The following MGAT3 variants were observed in gnomAD, a reference collection of about 807,000 sequenced individuals.
MGAT3 encodes beta-1,4-mannosyl-glycoprotein 4-beta-N-acetylglucosaminyltransferase, also known as GlcNAc-T III.
In MGAT3, 9 loss-of-function variants were observed where a neutral mutation model predicts 29.8. The observed-to-expected ratio is 0.30, with a 90% confidence interval of 0.18 to 0.53. The LOEUF is 0.53. MGAT3 is among the 20% of genes least tolerant of loss of function. The pLI is 0.96. For missense variants in MGAT3, 557 were observed against 769.5 expected, an observed-to-expected ratio of 0.72 and a Z score of 3.27; for synonymous variants, 397 against 348.9, an observed-to-expected ratio of 1.14 and a Z score of -1.54.
chr22:39,488,701 C>T lies in MGAT3; in HGVS notation c.1354C>T (p.Leu452=). The part of the protein sequence containing the change: ...RWGDYEDKRD[L]NYIRGLIRTG... Reference sequence around the variant, plus strand: ...GGGTGACTACGAGGACAAGCGGGACCTGAACTACATCCGCGGCCTGATCCG... The same window carrying T: ...GGGTGACTACGAGGACAAGCGGGACTTGAACTACATCCGCGGCCTGATCCG... The change falls in exon 2 of 2, where the codon CTG becomes TTG. Residue 452 remains leucine, a synonymous_variant. Coordinates refer to ENST00000341184, the MANE Select transcript of MGAT3 (RefSeq NM_002409.5). 6.2e-7 allele frequency: 1 copy of T among 1,613,888 alleles called. No homozygotes were observed. The highest frequency in any genetic ancestry group is 8.5e-7 in the Non-Finnish European group (1 of 1,180,020).
intron 1 of MGAT3, among the ~76,000 whole-genome samples, chr22:39,482,188 T>C (rs921792785): frequency 6.8e-6 from 1 of 146,112 alleles, no homozygotes; most frequent in Non-Finnish European, 1.5e-5. Context: ...GGTTTAGCCA[T>C]GTTGCCCAAG....
At chr22:39,470,240 G>A (rs936043363) in intron 1 of MGAT3, among the ~76,000 whole-genome samples, 2 of 152,208 alleles carry the variant, frequency 1.3e-5, no homozygotes, top group Non-Finnish European at 2.9e-5. Context: ...GAGGGCTTGC[G>A]GGCGGGGGCA....
intron 1 of MGAT3, among the ~76,000 whole-genome samples, chr22:39,471,310 C>T (rs1228434036): frequency 1.3e-5 from 2 of 152,060 alleles, no homozygotes; most frequent in East Asian, 1.9e-4. Flanking sequence ...ATGGGGGTCT[C>T]GAGGATTTAT....
intron 1 of MGAT3, among the ~76,000 whole-genome samples, chr22:39,479,948 G>A (rs1477747400): frequency 6.6e-6 from 1 of 152,204 alleles, no homozygotes; most frequent in Non-Finnish European, 1.5e-5. Flanking sequence ...ACTGGGGCTG[G>A]GGCCGTGCAT....
intron 1 of MGAT3, among the ~76,000 whole-genome samples, chr22:39,459,265 G>T (rs1166412390): frequency 1.3e-5 from 2 of 151,964 alleles, no homozygotes; most frequent in East Asian, 1.9e-4. Flanking sequence ...GTAGAGATGG[G>T]GTTTCACCAG....
chr22:39,487,707 C>T lies in MGAT3; in HGVS notation c.360C>T (p.Pro120=), dbSNP rs372097244. 6 of 1,582,024 alleles carry T rather than the reference C, an allele frequency of 3.8e-6. No homozygotes were observed. Among genetic ancestry groups the T allele is most frequent in the East Asian group, 2.3e-5 (1 of 44,394 alleles). Residue 120 remains proline (P), a synonymous_variant, in exon 2 of 2, where the codon CCC becomes CCT. Coordinates refer to ENST00000341184, the MANE Select transcript of MGAT3 (RefSeq NM_002409.5). The surrounding 1 kb of genome is among the most constrained non-coding windows in gnomAD (Gnocchi z 5.7). ...RTKAGGVCFK[P]GTKMLERPPP... ...AGGCCGGCGGCGTCTGCTTCAAACC[C>T]GGCACCAAGATGCTGGAGAGGCCGC...
At chr22:39,486,524 A>G (rs752659114) in intron 1 of MGAT3, among the ~76,000 whole-genome samples, 2 of 152,080 alleles carry the variant, frequency 1.3e-5, no homozygotes, top group Non-Finnish European at 2.9e-5. Flanking sequence ...TTTTTGAGAT[A>G]GGGTCTCAGT....
chr22:39,472,049 G>C (rs189694198), intron 1 of MGAT3, among the ~76,000 whole-genome samples: 2 of 152,220 alleles, frequency 1.3e-5, no homozygotes, highest in East Asian at 3.9e-4. Context: ...TCTGGGCTCA[G>C]CCTCCTTCCA....
intron 1 of MGAT3, among the ~76,000 whole-genome samples, chr22:39,460,455 CTG>C (rs1383450198): frequency 6.6e-6 from 1 of 152,172 alleles, no homozygotes. Context: ...CACTGTGTGA[CTG>C]TGGGCTGGTG....
rs751551288 is a variant in MGAT3, at chr22:39,487,735, C to G, written c.388C>G (p.Pro130Ala). ...CACCAAGATGCTGGAGAGGCCGCCC[C>G]CGGGACGGCCGGAGGAGAAGCCTGA... ...PGTKMLERPP[P>A]GRPEEKPEGA... is the part of the protein sequence containing the mutation. Residue 130 changes from proline to alanine, a missense_variant, in exon 2 of 2, where the codon CCG becomes GCG. Physicochemically the swap from Pro to Ala is conservative, Grantham distance 27. Around this residue, in one of 3 missense-constraint regions of MGAT3, gnomAD observed 212 missense variants for 228.5 expected, o/e 0.93. Transcript: ENST00000341184. This position sits in a 1 kb window ranked among gnomAD's most constrained non-coding sequence, Gnocchi z 5.7. The G allele has an allele frequency of 2.6e-6, 4 of 1,542,866 alleles. No individual in the cohort carries two copies. The highest frequency in any genetic ancestry group is 1.4e-5 in the African/African-American group (1 of 72,658).
At chr22:39,484,509 A>G (rs1320554065) in intron 1 of MGAT3, among the ~76,000 whole-genome samples, 1 of 151,982 alleles carries the variant, frequency 6.6e-6, no homozygotes, top group Non-Finnish European at 1.5e-5. Flanking sequence ...AGTAGCTGGG[A>G]TTACAGGTGC....
chr22:39,466,990 C>T (rs183523680), intron 1 of MGAT3, among the ~76,000 whole-genome samples: 22 of 152,348 alleles, frequency 1.4e-4, no homozygotes, highest in South Asian at 2.1e-4. Flanking sequence ...TATTGTGCGC[C>T]GGTGACTGAG....
At chr22:39,476,408 G>C (rs1304222545) in intron 1 of MGAT3, 2 of 152,336 alleles carry the variant, frequency 1.3e-5, no homozygotes, top group African/African-American at 4.8e-5. Context: ...TCTCTCCTCT[G>C]TTGGCCTAGT....
At chr22:39,479,863 G>T (rs984536028) in intron 1 of MGAT3, among the ~76,000 whole-genome samples, 1 of 152,178 alleles carries the variant, frequency 6.6e-6, no homozygotes, top group African/African-American at 2.4e-5. Context: ...CACCTGCTGT[G>T]TACATTCCCT....
At chr22:39,471,828 G>A (rs989649424) in intron 1 of MGAT3, among the ~76,000 whole-genome samples, 4 of 152,156 alleles carry the variant, frequency 2.6e-5, no homozygotes, top group African/African-American at 7.2e-5. Context: ...ACTGTTCTCT[G>A]TGGTCAGCCA....
In MGAT3 at chr22:39,487,137, G is replaced by A. The variant is rs566517003; in HGVS notation, c.-1-210G>A. 2.0e-5 allele frequency among the ~76,000 whole-genome samples: 3 copies of A among 152,252 alleles called. No homozygotes were observed. In the East Asian group the frequency reaches 5.8e-4, roughly 29 times the overall value. ...CTGGGGATCTCAGGGAAGGGCTATG[G>A]GAGCACGGCGGTGTCCTCAGTGCTG... is the stretch of plus-strand genomic sequence containing the variant. On this transcript the variant is annotated intron_variant, in intron 1 of 1. Transcript: ENST00000341184. The surrounding 1 kb of genome is among the most constrained non-coding windows in gnomAD (Gnocchi z 5.7).
At chr22:39,468,744 G>C (rs1928725740) in intron 1 of MGAT3, among the ~76,000 whole-genome samples, 1 of 152,014 alleles carries the variant, frequency 6.6e-6, no homozygotes, top group African/African-American at 2.4e-5. Context: ...TTTGTGTGGG[G>C]CTCAGTGCTT....
intron 1 of MGAT3, among the ~76,000 whole-genome samples, chr22:39,467,590 G>A (rs1487420621): frequency 6.6e-6 from 1 of 152,190 alleles, no homozygotes; most frequent in Non-Finnish European, 1.5e-5. Flanking sequence ...GGAGACACAT[G>A]GACACGACAC....
intron 1 of MGAT3, among the ~76,000 whole-genome samples, chr22:39,464,030 A>G (rs1601717886): frequency 6.7e-6 from 1 of 150,344 alleles, no homozygotes; most frequent in African/African-American, 2.4e-5. Flanking sequence ...CCAATCCCCA[A>G]CCCTTGTAAC....
Sources: gnomAD v4.1 joint callset for allele counts (sites outside exome capture counted in the v4.1 genomes callset) on GRCh38, gnomAD v4.1.1 for gene constraint, gnomAD v4.1.1 regional missense constraint, Gnocchi (gnomAD v3.1) non-coding constraint, MANE v1.5 for transcripts, NCBI Gene and HGNC (gene_info 2026-07-23, HGNC 2026-07-21) for gene names.